SEL1L2: variants seen among roughly 807,000 people sequenced by gnomAD.
The protein encoded by SEL1L2 is SEL1L2 adaptor subunit of SYVN1 ubiquitin ligase.
SEL1L2 carries 89 observed loss-of-function variants against 98.8 expected under a neutral mutation model. The ratio of observed to expected loss-of-function variants is 0.90; its 90% CI spans 0.76 to 1.07. SEL1L2 has a LOEUF of 1.07. Ranked by LOEUF, SEL1L2 falls within the 50% of genes least tolerant of loss-of-function variation. The pLI is 0.00. For missense variants in SEL1L2, 788 were observed against 812.0 expected (o/e 0.97, Z 0.36); for synonymous variants, 262 against 278.5 (o/e 0.94, Z 0.59).
intron 5 of SEL1L2, among the ~76,000 whole-genome samples, chr20:13,895,368 A>C (rs1486107791): frequency 4.0e-5 from 6 of 150,466 alleles, no homozygotes; most frequent in Non-Finnish European, 7.4e-5. Flanking sequence ...AATTGAGCCC[A>C]GGAGGTGGAG....
chr20:13,959,714 C>A (rs2050696686), intron 1 of SEL1L2, among the ~76,000 whole-genome samples: 1 of 152,142 alleles, frequency 6.6e-6, no homozygotes, highest in Non-Finnish European at 1.5e-5. Context: ...TTTGTCGAAT[C>A]CTGAAGCATG....
intron 1 of SEL1L2, among the ~76,000 whole-genome samples, chr20:13,978,788 G>A (rs2148539966): frequency 6.6e-6 from 1 of 152,316 alleles, no homozygotes; most frequent in African/African-American, 2.4e-5. Context: ...CAGGTGCGGT[G>A]GCTCACGCCT....
At chr20:13,949,689 A>C (rs77627528) in intron 2 of SEL1L2, among the ~76,000 whole-genome samples, 9,723 of 143,352 alleles carry the variant, frequency 0.068, 357 homozygotes, top group African/African-American at 0.078. Flanking sequence ...AACAAACAAC[A>C]AAAAAAACCA....
At chr20:13,916,749 T>C (rs940665868) in intron 4 of SEL1L2, among the ~76,000 whole-genome samples, 3 of 152,052 alleles carry the variant, frequency 2.0e-5, no homozygotes, top group Non-Finnish European at 4.4e-5. Flanking sequence ...GAGGCTGCAG[T>C]GAGCTGAGAT....
intron 4 of SEL1L2, among the ~76,000 whole-genome samples, chr20:13,916,125 T>G (rs1200834468): frequency 6.6e-6 from 1 of 152,192 alleles, no homozygotes; most frequent in East Asian, 1.9e-4. Context: ...ACTTGTTCAG[T>G]GATTTTTCCT....
At chr20:13,993,757 G>A (rs2052579489), upstream of SEL1L2, among the ~76,000 whole-genome samples, 1 of 152,044 alleles carries the variant, frequency 6.6e-6, no homozygotes, top group Non-Finnish European at 1.5e-5. Context: ...TTCCCATATT[G>A]CTTAATATTA....
intron 5 of SEL1L2, among the ~76,000 whole-genome samples, chr20:13,890,549 G>T (rs915044033): frequency 6.6e-6 from 1 of 152,132 alleles, no homozygotes; most frequent in Non-Finnish European, 1.5e-5. Context: ...ATAAAGACTA[G>T]GAGAGATAGC....
At position 13,859,542 on chromosome 20, in the gene SEL1L2, T is replaced by A. The variant is rs1989746318; in HGVS notation, c.1646-108A>T. Reference sequence around the variant, plus strand: ...TTCAGTCCTTTAAAATATATATGTATCTATAGCCAAGTATAAAAAGGAACC... The same window carrying A: ...TTCAGTCCTTTAAAATATATATGTAACTATAGCCAAGTATAAAAAGGAACC... On this transcript the variant is annotated intron_variant, in intron 17 of 19. Coordinates refer to ENST00000284951, the MANE Select transcript of SEL1L2 (RefSeq NM_025229.2). 5.2e-6 allele frequency: 5 copies of A among 954,616 alleles called. 1 individual carries two copies. The highest frequency in any genetic ancestry group is 7.7e-6 in the Non-Finnish European group (5 of 652,826). The allele number at this position is 954,616 out of a possible 1,614,324, so 59.1% of individuals were successfully genotyped here. A position where few individuals can be genotyped will look rare whatever the true frequency, so the allele number is the denominator to read the frequency against.
intron 1 of SEL1L2, among the ~76,000 whole-genome samples, chr20:13,966,559 A>G (rs1239708928): frequency 6.6e-6 from 1 of 152,128 alleles, no homozygotes; most frequent in Non-Finnish European, 1.5e-5. Context: ...ACCTCAGGCA[A>G]TCCACCCACC....
At chr20:13,868,474 G>A (rs1246606406) in intron 14 of SEL1L2, among the ~76,000 whole-genome samples, 1 of 152,080 alleles carries the variant, frequency 6.6e-6, no homozygotes, top group Non-Finnish European at 1.5e-5. Context: ...CTGCTTGCAA[G>A]AATACTTTTA....
At chr20:13,860,301 A>C (rs1989899394) in intron 17 of SEL1L2, among the ~76,000 whole-genome samples, 1 of 152,128 alleles carries the variant, frequency 6.6e-6, no homozygotes, top group South Asian at 2.1e-4. Flanking sequence ...AGTGTGTTCT[A>C]TACTCACTGT....
chr20:13,939,088 G>T (rs2049621381), intron 2 of SEL1L2, among the ~76,000 whole-genome samples: 2 of 122,396 alleles, frequency 1.6e-5, no homozygotes, highest in African/African-American at 3.0e-5. Flanking sequence ...CTGTCACCTG[G>T]GCTGGAGTGC....
intron 1 of SEL1L2, among the ~76,000 whole-genome samples, chr20:13,967,361 C>T (rs901667683): frequency 6.6e-6 from 1 of 152,162 alleles, no homozygotes; most frequent in Non-Finnish European, 1.5e-5. Flanking sequence ...TCCTTGAAAC[C>T]TCTTTTCTTG....
chr20:13,883,995 C>T (rs1036967013), intron 10 of SEL1L2, among the ~76,000 whole-genome samples: 3 of 152,192 alleles, frequency 2.0e-5, no homozygotes, highest in Admixed American at 6.5e-5. Flanking sequence ...ATCTATGGAT[C>T]TTCAACCGAG....
At chr20:13,904,250 C>T (rs889885563) in intron 5 of SEL1L2, among the ~76,000 whole-genome samples, 2 of 152,058 alleles carry the variant, frequency 1.3e-5, no homozygotes, top group Non-Finnish European at 2.9e-5. Flanking sequence ...TGTATTTGGC[C>T]GGGCACACTG....
intron 3 of SEL1L2, among the ~76,000 whole-genome samples, chr20:13,926,033 T>C (rs2048875691): frequency 6.6e-6 from 1 of 152,142 alleles, no homozygotes. Flanking sequence ...GAAGGGACCT[T>C]CAGGGCCGGG....
At chr20:13,956,885 CAAAT>C in intron 1 of SEL1L2, among the ~76,000 whole-genome samples, 1 of 151,880 alleles carries the variant, frequency 6.6e-6, no homozygotes. Context: ...TGTAAACAAA[CAAAT>C]CTGATGCATT....
chr20:13,866,661 A>G, intron 15 of SEL1L2, 41 bp downstream of exon 15: 4 of 1,471,398 alleles, frequency 2.7e-6, no homozygotes, highest in Non-Finnish European at 2.7e-6. Context: ...TCTGTGTCAT[A>G]TATGACAAGT....
intron 1 of SEL1L2, among the ~76,000 whole-genome samples, chr20:13,984,019 CT>C (rs11475402): frequency 0.91 from 120,699 of 132,346 alleles, 55,163 homozygotes; most frequent in East Asian, 0.98. Context: ...AATCAGATTC[CT>C]TTTTTTTTTT....
Sources: gnomAD v4.1 joint callset for allele counts (sites outside exome capture counted in the v4.1 genomes callset) on GRCh38, gnomAD v4.1.1 for gene constraint, MANE v1.5 for transcripts, NCBI Gene and HGNC (gene_info 2026-07-23, HGNC 2026-07-21) for gene names.